RPS24: variants seen among roughly 807,000 people sequenced by gnomAD.
RPS24 encodes small ribosomal subunit protein eS24.
For synonymous variants in RPS24, 72 were observed against 55.6 expected, an observed-to-expected ratio of 1.30 and a Z score of -1.31; for missense variants, 100 against 162.5, an observed-to-expected ratio of 0.62 and a Z score of 2.09.
chr10:78,034,040 C>T, intron 1 of RPS24, 136 bp downstream of exon 1: 6 of 1,137,222 alleles, frequency 5.3e-6, no homozygotes, highest in Non-Finnish European at 8.0e-6. Context: ...GGATGGTTGT[C>T]GAGGGGCTCG....
exon 5 of RPS24, chr10:78,054,955 A>G (rs963689114): frequency 6.7e-7 from 1 of 1,488,714 alleles, no homozygotes; most frequent in Non-Finnish European, 9.0e-7. Flanking sequence ...TTTGAAATCC[A>G]CCAGGAATCC....
chr10:78,044,995 C>T (rs1260830924), downstream of RPS24, among the ~76,000 whole-genome samples: 2 of 151,724 alleles, frequency 1.3e-5, no homozygotes, highest in Non-Finnish European at 2.9e-5. Flanking sequence ...AAGTATTTAT[C>T]GTATTTTTTT....
downstream of RPS24, among the ~76,000 whole-genome samples, chr10:78,043,293 G>T (rs191195573): frequency 1.1e-3 from 170 of 152,220 alleles, 1 homozygote; most frequent in African/African-American, 3.8e-3. Context: ...GTGAGCCACC[G>T]TGCCCGGCCT....
downstream of RPS24, among the ~76,000 whole-genome samples, chr10:78,044,300 A>G (rs1848019414): frequency 6.6e-6 from 1 of 152,176 alleles, no homozygotes; most frequent in Admixed American, 6.5e-5. Flanking sequence ...AGATGGGAGC[A>G]GGCAGTGTGG....
Position 78,040,492 on chromosome 10 carries a change from A to T in RPS24, c.*20-123A>T, listed in dbSNP as rs544791058. 1.3e-4 allele frequency: 109 copies of T among 816,400 alleles called. 4 individuals are homozygous for T. The South Asian group carries it at 1.5e-3, about 11-fold the overall frequency. 50.6% of individuals were successfully genotyped at this position (816,400 alleles called of 1,614,324 possible). On this transcript the variant is annotated intron_variant, in intron 5 of 5. Coordinates refer to ENST00000372360, the MANE Select transcript of RPS24 (RefSeq NM_033022.4). ...CTTTCATTGTGTTATGATAACATCA[A>T]AATAACTTGATATTCTAGGTTACTA...
chr10:78,052,390 A>G (rs1453580261), intron 4 of RPS24, among the ~76,000 whole-genome samples: 1 of 152,174 alleles, frequency 6.6e-6, no homozygotes, highest in Non-Finnish European at 1.5e-5. Flanking sequence ...TGAATGTAAC[A>G]ATAATACCTT....
Position 78,037,220 on chromosome 10 carries a change from C to T in RPS24, c.306C>T (p.Thr102=), listed in dbSNP as rs558975561. 211 of 1,606,234 alleles carry T rather than the reference C, an allele frequency of 1.3e-4. 3 individuals are homozygous for T. In the South Asian group the frequency reaches 2.1e-3, roughly 16 times the overall value. Reference sequence around the variant, plus strand: ...ATGGCCTGTATGAGAAGAAAAAGACCTCAAGAAAGCAACGAAAGGAACGCA... The same window carrying T: ...ATGGCCTGTATGAGAAGAAAAAGACTTCAAGAAAGCAACGAAAGGAACGCA... ...ARHGLYEKKK[T]SRKQRKERKN... The change falls in exon 4 of 6, where the codon ACC becomes ACT. Residue 102 remains threonine (T), a synonymous_variant. Transcript: ENST00000372360.
At chr10:78,038,003 G>A (rs765663472) in intron 4 of RPS24, 56 of 1,280,630 alleles carry the variant, frequency 4.4e-5, no homozygotes, top group Non-Finnish European at 5.4e-5. Flanking sequence ...TGTAAGCACG[G>A]TGTGGGGATG....
chr10:78,041,210 A>G (rs1183936775), downstream of RPS24, among the ~76,000 whole-genome samples: 3 of 152,190 alleles, frequency 2.0e-5, no homozygotes, highest in Admixed American at 6.5e-5. Flanking sequence ...TTGGTTGGGC[A>G]TGAAGGGGAC....
At chr10:78,047,546 G>C (rs1848057752) in intron 4 of RPS24, among the ~76,000 whole-genome samples, 1 of 152,202 alleles carries the variant, frequency 6.6e-6, no homozygotes, top group Admixed American at 6.5e-5. Context: ...AAAAAAGCTT[G>C]ATGCCAGATC....
In RPS24 at chr10:78,033,916, T is replaced by G; in HGVS notation, c.3+12T>G. ...AGATCGCCATCATGGTGAGTCTCCC[T>G]GGGCCCGTGCAGTCATCTGCCGCGT... On this transcript the variant is annotated intron_variant, in intron 1 of 5. Transcript: ENST00000372360. 1 of 1,614,034 alleles carries G rather than the reference T, an allele frequency of 6.2e-7. No individual in the cohort carries two copies. Among genetic ancestry groups the G allele is most frequent in the Non-Finnish European group, 8.5e-7 (1 of 1,179,930 alleles).
At chr10:78,052,296 G>T (rs914598954) in intron 4 of RPS24, among the ~76,000 whole-genome samples, 1 of 152,236 alleles carries the variant, frequency 6.6e-6, no homozygotes, top group African/African-American at 2.4e-5. Flanking sequence ...AAAGTGCTGG[G>T]ATTACAGGTG....
chr10:78,047,715 G>T lies in RPS24; in HGVS notation c.391-6816G>T, dbSNP rs150484068. Among the ~76,000 whole-genome samples the T allele has an allele frequency of 1.6e-4, 25 of 152,346 alleles. 1 individual carries two copies. The East Asian group carries it at 4.8e-3, about 29-fold the overall frequency. ...CCATCCGTGCTGCGAGGTCTCTGCAGATCCTGTGCAAACAGCATTCCCCCT... is the reference window on the plus strand; with the variant it reads ...CCATCCGTGCTGCGAGGTCTCTGCATATCCTGTGCAAACAGCATTCCCCCT... On this transcript the variant is annotated intron_variant, in intron 4 of 4. Coordinates refer to the RPS24 transcript ENST00000440692.
chr10:78,053,476 A>C (rs191302667), intron 4 of RPS24, among the ~76,000 whole-genome samples: 1 of 152,292 alleles, frequency 6.6e-6, no homozygotes, highest in Non-Finnish European at 1.5e-5. Context: ...TGAGGGCTAA[A>C]TTTGGAATTT....
At chr10:78,035,778 G>T in intron 3 of RPS24, 58 bp downstream of exon 3, 2 of 1,378,958 alleles carry the variant, frequency 1.5e-6, no homozygotes, top group Non-Finnish European at 2.0e-6. Flanking sequence ...CAATAGCGTT[G>T]TGTTGTGAGT....
chr10:78,037,102 T>G (rs1412237359), intron 3 of RPS24, 92 bp from the exon 4 acceptor site: 1 of 1,492,646 alleles, frequency 6.7e-7, no homozygotes, highest in Non-Finnish European at 9.1e-7. Flanking sequence ...GCTGTGTTTC[T>G]TAAGCTCAGA....
At position 78,038,039 on chromosome 10, in the gene RPS24, A is replaced by T. The variant is rs146498810; in HGVS notation, c.390+735A>T. The T allele has an allele frequency of 4.8e-4, 547 of 1,136,370 alleles. 3 individuals carry two copies. The African/African-American group carries it at 8.2e-3, about 17-fold the overall frequency. The allele number at this position is 1,136,370 out of a possible 1,614,324, so 70.4% of individuals were successfully genotyped here. ...CATCACCTTCACTGAGTTTGCTTTG[A>T]TGATGCTTTGCATGTTGGCCTTTGG... On this transcript the variant is annotated intron_variant, in intron 4 of 5. Coordinates refer to ENST00000372360, the MANE Select transcript of RPS24 (RefSeq NM_033022.4).
intron 4 of RPS24, among the ~76,000 whole-genome samples, chr10:78,053,186 C>CAAAAAAAA (rs57899265): frequency 7.1e-6 from 1 of 140,982 alleles, no homozygotes; most frequent in Non-Finnish European, 1.5e-5. Flanking sequence ...ACAACAACAA[C>CAAAAAAAA]AAAAAAAAAA....
chr10:78,043,926 A>G (rs1307641550), downstream of RPS24, among the ~76,000 whole-genome samples: 1 of 151,678 alleles, frequency 6.6e-6, no homozygotes, highest in Non-Finnish European at 1.5e-5. Context: ...GGTCAATAGT[A>G]GCCTAACACG....
Sources: gnomAD v4.1 joint callset for allele counts (sites outside exome capture counted in the v4.1 genomes callset) on GRCh38, gnomAD v4.1.1 for gene constraint, MANE v1.5 for transcripts, NCBI Gene and HGNC (gene_info 2026-07-23, HGNC 2026-07-21) for gene names.